Variants in SIPA1 observed in about 807,000 individuals in gnomAD.
SIPA1 encodes the protein signal-induced proliferation-associated protein 1.
A neutral mutation model predicts 88.1 loss-of-function variants in SIPA1; 51 were observed. The ratio of observed to expected loss-of-function variants is 0.58; its 90% CI spans 0.46 to 0.73. The LOEUF is 0.73. Among genes scored for constraint, SIPA1 ranks in the 30% least tolerant of loss-of-function variants. SIPA1 has a pLI of 0.00. For synonymous variants in SIPA1, 681 were observed against 664.8 expected, an observed-to-expected ratio of 1.02 and a Z score of -0.37; for missense variants, 1,348 against 1,467.6, an observed-to-expected ratio of 0.92 and a Z score of 1.33.
chr11:65,650,435 C>T lies in SIPA1; in HGVS notation c.2938C>T (p.His980Tyr). ...TGGGAACCTCTCAGAGAAGGTCTCT[C>T]ACTTGGAGTCCATGCTCAGGAAGCT... ...EPGNLSEKVS[H>Y]LESMLRKLQE... is the part of the protein sequence containing the mutation. The change falls in exon 15 of 16, where the codon CAC becomes TAC. Residue 980 changes from histidine to tyrosine, a missense_variant. His to Tyr is a moderately conservative substitution (Grantham distance 83). Around this residue, in one of 4 missense-constraint regions of SIPA1, gnomAD observed 615 missense variants for 559.8 expected, o/e 1.10. Coordinates refer to ENST00000534313, the MANE Select transcript of SIPA1 (RefSeq NM_006747.4). The T allele has an allele frequency of 6.2e-7, 1 of 1,614,118 alleles. No individual in the cohort carries two copies. Among genetic ancestry groups the T allele is most frequent in the Non-Finnish European group, 8.5e-7 (1 of 1,180,010 alleles).
rs745315149 is a variant in SIPA1 at position 65,641,159 on chromosome 11, C to T, written c.238C>T (p.Arg80Ter). The T allele has an allele frequency of 2.5e-6, 4 of 1,607,082 alleles. No individual in the cohort carries two copies. Among genetic ancestry groups the T allele is most frequent in the Non-Finnish European group, 3.4e-6 (4 of 1,179,882 alleles). ...TGCCCACAGCCACGAAGAGGCCAGC[C>T]GACCTGCAGCCACTTCCACCCGGCT... The part of the protein sequence containing the change: ...ARAHSHEEAS[R>*]PAATSTRLFT... Residue 80 changes from arginine to a stop codon, truncating the protein, a stop_gained, in exon 2 of 16, where the codon CGA becomes TGA. Transcript: ENST00000534313. LOFTEE classifies it high-confidence loss of function.
intron 9 of SIPA1, 66 bp from the exon 10 acceptor site, chr11:65,649,196 G>A (rs1590925655): frequency 1.6e-5 from 19 of 1,175,604 alleles, no homozygotes; most frequent in Non-Finnish European, 2.2e-5. Flanking sequence ...CGGGCTGGGG[G>A]TGGGGCTAGT....
intron 1 of SIPA1, chr11:65,638,404 G>T: frequency 6.5e-6 from 1 of 152,782 alleles, no homozygotes; most frequent in Non-Finnish European, 1.5e-5. Context: ...TGACGGCTTA[G>T]CCTGGCCAGC....
Position 65,642,209 on chromosome 11 carries a change from A to G in SIPA1, c.680-41A>G, listed in dbSNP as rs964774590. On this transcript the variant is annotated intron_variant, in intron 2 of 15. Coordinates refer to ENST00000534313, the MANE Select transcript of SIPA1 (RefSeq NM_006747.4). The surrounding 1 kb of genome is among the most constrained non-coding windows in gnomAD (Gnocchi z 6.5). ...GTGGTCGAGCGGGGGCGGGGCTGCC[A>G]GAGGGCGGGACCAATCGTTTTCTTC... 7.1e-6 allele frequency: 11 copies of G among 1,538,792 alleles called. No homozygotes were observed. The African/African-American group carries it at 1.2e-4, about 17-fold the overall frequency.
Position 65,647,440 on chromosome 11 carries a change from C to T in SIPA1, c.2088C>T (p.Gly696=). ...TGGCGCTGCCCCGCGACGGTCAAGG[C>T]CGCCTGGGCTTCGAGGTGGACGCCG... ...RELALPRDGQ[G]RLGFEVDAEG... The change falls in exon 9 of 16, where the codon GGC becomes GGT. Residue 696 remains glycine (G), a synonymous_variant. Coordinates refer to ENST00000534313, the MANE Select transcript of SIPA1 (RefSeq NM_006747.4). 2.7e-6 allele frequency: 4 copies of T among 1,481,282 alleles called. No homozygotes were observed. Among genetic ancestry groups the T allele is most frequent in the Admixed American group, 2.3e-5 (1 of 42,854 alleles). The allele number at this position is 1,481,282 out of a possible 1,614,324, so 91.8% of individuals were successfully genotyped here.
Position 65,646,705 on chromosome 11 carries a change from G to T in SIPA1, c.1671G>T (p.Leu557=). 6.5e-7 allele frequency: 1 copy of T among 1,539,498 alleles called. No individual in the cohort carries two copies. The highest frequency in any genetic ancestry group is 1.9e-4 in the Middle Eastern group (1 of 5,202). ...TGGACTCGGCTTCACGCTTCGGCCT[G>T]CCCTCCCTGGGTGGGAGGCGCCGGG... The part of the protein sequence containing the change: ...TSLDSASRFG[L]PSLGGRRRAA... The change falls in exon 8 of 16, where the codon CTG becomes CTT. Residue 557 remains leucine (L), a synonymous_variant. Coordinates refer to ENST00000534313, the MANE Select transcript of SIPA1 (RefSeq NM_006747.4). The surrounding 1 kb of genome is among the most constrained non-coding windows in gnomAD (Gnocchi z 7.5).
At chr11:65,647,685 TG>T in intron 9 of SIPA1, 27 bp downstream of exon 9, 1 of 1,319,028 alleles carries the variant, frequency 7.6e-7, no homozygotes, top group South Asian at 1.8e-5. Context: ...CGCGGGGAGG[TG>T]GGAGGGCCGG....
At position 65,649,984 on chromosome 11, in the gene SIPA1, C is replaced by A; in HGVS notation, c.2781C>A (p.Asp927Glu). 6.2e-7 allele frequency: 1 copy of A among 1,613,892 alleles called. No homozygotes were observed. Among genetic ancestry groups the A allele is most frequent in the Non-Finnish European group, 8.5e-7 (1 of 1,179,976 alleles). Residue 927 changes from aspartate to glutamate, a missense_variant, in exon 13 of 16, where the codon GAC becomes GAA. Around this residue, in one of 4 missense-constraint regions of SIPA1, gnomAD observed 615 missense variants for 559.8 expected, o/e 1.10. Coordinates refer to ENST00000534313, the MANE Select transcript of SIPA1 (RefSeq NM_006747.4). ...AGGCGGGCAGTGGGACCCTGGAGGACGAGTGGCAGGCCATCTCGGAGATTG... is the reference window on the plus strand; with the variant it reads ...AGGCGGGCAGTGGGACCCTGGAGGAAGAGTGGCAGGCCATCTCGGAGATTG... ...MSEAGSGTLE[D>E]EWQAISEIAS...
rs1856136673 is a variant in SIPA1 at position 65,647,054 on chromosome 11, G to A, written c.2020G>A (p.Ala674Thr). ...CGGCCAAGCCGTGGGCGAGGTGGTGGCGCGCCTGCAGGTGAGCTGGAGTGG... is the reference window on the plus strand; with the variant it reads ...CGGCCAAGCCGTGGGCGAGGTGGTGACGCGCCTGCAGGTGAGCTGGAGTGG... ...SPGQAVGEVV[A>T]RLQLVSRGCE... Residue 674 changes from alanine to threonine, a missense_variant, in exon 8 of 16, where the codon GCG (alanine) becomes ACG (threonine). By Grantham distance (58) the Ala-to-Thr change is moderately conservative. Coordinates refer to ENST00000534313, the MANE Select transcript of SIPA1 (RefSeq NM_006747.4). 2 of 1,541,580 alleles carry A rather than the reference G, an allele frequency of 1.3e-6. No individual in the cohort carries two copies. Among genetic ancestry groups the A allele is most frequent in the Non-Finnish European group, 1.7e-6 (2 of 1,149,992 alleles).
chr11:65,641,206 G>T lies in SIPA1; in HGVS notation c.285G>T (p.Leu95=), dbSNP rs775296037. 2.5e-6 allele frequency: 4 copies of T among 1,612,294 alleles called. No homozygotes were observed. In the South Asian group the frequency reaches 4.4e-5, roughly 18 times the overall value. The change falls in exon 2 of 16, where the codon CTG becomes CTT. Residue 95 remains leucine (L), a synonymous_variant. Transcript: ENST00000534313. ...STRLFTDPLA[L]LGLPAEEPEP... is the part of the protein sequence containing the mutation. Reference sequence around the variant, plus strand: ...GGCTCTTCACTGACCCGCTGGCACTGCTGGGGCTGCCAGCAGAGGAACCAG... The same window carrying T: ...GGCTCTTCACTGACCCGCTGGCACTTCTGGGGCTGCCAGCAGAGGAACCAG...
rs557415146 is a variant in SIPA1 at position 65,646,143 on chromosome 11, T to A, written c.1264-78T>A. The stretch of plus-strand genomic sequence containing the variant: ...GGCAGTGGGGGAGCCATTGGTGCCT[T>A]GGCTTTCTCCTGCCTGAATGAGGAG... On this transcript the variant is annotated intron_variant, in intron 6 of 15. Coordinates refer to ENST00000534313, the MANE Select transcript of SIPA1 (RefSeq NM_006747.4). The surrounding 1 kb of genome is among the most constrained non-coding windows in gnomAD (Gnocchi z 7.5). 6.5e-7 allele frequency: 1 copy of A among 1,547,566 alleles called. No individual in the cohort carries two copies. Among genetic ancestry groups the A allele is most frequent in the East Asian group, 2.3e-5 (1 of 44,370 alleles).
chr11:65,650,139 ACAG>A lies in SIPA1; in HGVS notation c.2852_2854del (p.Gln951del). On this transcript the variant is annotated inframe_deletion and splice_region_variant, in exon 14 of 16. Transcript: ENST00000534313. ...CACCTGATCCCTTTGTCCCCACAGG[ACAG>A]CCCATCCCAGAGAGTGGAGACCCTA... 1 of 1,614,024 alleles carries A rather than the reference ACAG, an allele frequency of 6.2e-7. No homozygotes were observed.
At position 65,647,455 on chromosome 11, in the gene SIPA1, G is replaced by A. The variant is rs1856150916; in HGVS notation, c.2103G>A (p.Glu701=). 3.4e-6 allele frequency: 5 copies of A among 1,483,006 alleles called. No individual in the cohort carries two copies. The highest frequency in any genetic ancestry group is 1.2e-5 in the South Asian group (1 of 80,154). The allele number at this position is 1,483,006 out of a possible 1,614,324, so 91.9% of individuals were successfully genotyped here. A position where few individuals can be genotyped will look rare whatever the true frequency, so the allele number is the denominator to read the frequency against. The change falls in exon 9 of 16, where the codon GAG becomes GAA. Residue 701 remains glutamate, a synonymous_variant. Coordinates refer to ENST00000534313, the MANE Select transcript of SIPA1 (RefSeq NM_006747.4). ...PRDGQGRLGF[E]VDAEGFVTHV... is the part of the protein sequence containing the mutation. ...ACGGTCAAGGCCGCCTGGGCTTCGA[G>A]GTGGACGCCGAGGGATTCGTCACGC...
In SIPA1 at chr11:65,642,416, C is replaced by T. The variant is rs1471031998; in HGVS notation, c.807+39C>T. 1 of 1,596,742 alleles carries T rather than the reference C, an allele frequency of 6.3e-7. No individual in the cohort carries two copies. On this transcript the variant is annotated intron_variant, in intron 3 of 15. Transcript: ENST00000534313. The surrounding 1 kb of genome is among the most constrained non-coding windows in gnomAD (Gnocchi z 6.5). Reference sequence around the variant, plus strand: ...GCGGGATCAGGACGTGGGTTGCCTCCCCGACACCTTGTATGCATCCTGAGT... The same window carrying T: ...GCGGGATCAGGACGTGGGTTGCCTCTCCGACACCTTGTATGCATCCTGAGT...
At chr11:65,645,554 A>C (rs1856094922) in intron 5 of SIPA1, among the ~76,000 whole-genome samples, 1 of 152,064 alleles carries the variant, frequency 6.6e-6, no homozygotes, top group African/African-American at 2.4e-5. Flanking sequence ...CTCCTAGGAC[A>C]CCTGACCCTG....
chr11:65,641,182 G>C lies in SIPA1; in HGVS notation c.261G>C (p.Arg87=), dbSNP rs1017299698. 1.9e-6 allele frequency: 3 copies of C among 1,610,314 alleles called. No homozygotes were observed. Among genetic ancestry groups the C allele is most frequent in the Non-Finnish European group, 2.5e-6 (3 of 1,179,986 alleles). ...GCCGACCTGCAGCCACTTCCACCCG[G>C]CTCTTCACTGACCCGCTGGCACTGC... is the stretch of plus-strand genomic sequence containing the variant. The part of the protein sequence containing the change: ...EASRPAATST[R]LFTDPLALLG... Residue 87 remains arginine (R), a synonymous_variant, in exon 2 of 16, where the codon CGG becomes CGC. Coordinates refer to ENST00000534313, the MANE Select transcript of SIPA1 (RefSeq NM_006747.4).
chr11:65,650,784 T>C lies in SIPA1; in HGVS notation c.*69T>C. The C allele has an allele frequency of 6.9e-7, 1 of 1,442,578 alleles. No individual in the cohort carries two copies. The highest frequency in any genetic ancestry group is 1.4e-5 in the South Asian group (1 of 72,556). The allele number at this position is 1,442,578 out of a possible 1,614,324, so 89.4% of individuals were successfully genotyped here. On this transcript the variant is annotated 3_prime_UTR_variant, in exon 16 of 16. Coordinates refer to ENST00000534313, the MANE Select transcript of SIPA1 (RefSeq NM_006747.4). ...CTGGGCCCTCCTCAGGAACTCTCCC[T>C]GCGCAGAGGCGTGTCTTAGCACTGC...
At chr11:65,648,202 G>A (rs1856175518) in intron 9 of SIPA1, among the ~76,000 whole-genome samples, 1 of 152,072 alleles carries the variant, frequency 6.6e-6, no homozygotes, top group Non-Finnish European at 1.5e-5. Flanking sequence ...AATGGGACCA[G>A]TTAAGCGCGT....
Position 65,641,494 on chromosome 11 carries a change from C to T in SIPA1, c.573C>T (p.Asn191=), listed in dbSNP as rs764727662. The change falls in exon 2 of 16, where the codon AAC becomes AAT. Residue 191 remains asparagine (N), a synonymous_variant. Coordinates refer to ENST00000534313, the MANE Select transcript of SIPA1 (RefSeq NM_006747.4). Reference sequence around the variant, plus strand: ...CACCTGTGCCCCCTGCACTGCCCAACGCGGCCGTGTCCATCCTGGAGGAGC... The same window carrying T: ...CACCTGTGCCCCCTGCACTGCCCAATGCGGCCGTGTCCATCCTGGAGGAGC... ...ASPPVPPALP[N]AAVSILEEPQ... The T allele has an allele frequency of 1.5e-5, 24 of 1,612,082 alleles. No individual in the cohort carries two copies. In the East Asian group the frequency reaches 2.7e-4, roughly 18 times the overall value.
Sources: gnomAD v4.1 joint callset for allele counts (sites outside exome capture counted in the v4.1 genomes callset) on GRCh38, gnomAD v4.1.1 for gene constraint, gnomAD v4.1.1 regional missense constraint, Gnocchi (gnomAD v3.1) non-coding constraint, MANE v1.5 for transcripts, NCBI Gene and HGNC (gene_info 2026-07-23, HGNC 2026-07-21) for gene names.